ASAH2: variants seen among roughly 807,000 people sequenced by gnomAD.
ASAH2 encodes neutral ceramidase.
In ASAH2, 58 loss-of-function variants were observed where a neutral mutation model predicts 82.9. The observed-to-expected ratio is 0.70, with a 90% confidence interval of 0.57 to 0.87. The LOEUF (loss-of-function observed/expected upper bound fraction) is 0.87, where lower values mean the gene tolerates loss of function less well. Among genes scored for constraint, ASAH2 ranks in the 40% least tolerant of loss-of-function variants. The pLI is 0.00. For synonymous variants in ASAH2, 276 were observed against 289.7 expected (o/e 0.95, Z 0.48); for missense variants, 779 against 834.0 (o/e 0.93, Z 0.81).
intron 1 of ASAH2, 67 bp from the exon 2 acceptor site, chr10:50,248,713 G>C (rs924150269): frequency 8.2e-7 from 1 of 1,221,446 alleles, no homozygotes; most frequent in Non-Finnish European, 1.1e-6. Context: ...AGATATCTTA[G>C]CTCTTTCATA....
At chr10:50,214,276 T>C (rs1845539105) in intron 9 of ASAH2, among the ~76,000 whole-genome samples, 1 of 152,206 alleles carries the variant, frequency 6.6e-6, no homozygotes, top group Non-Finnish European at 1.5e-5. Context: ...CACTTTTTAC[T>C]ATTCTCTGTA....
At chr10:50,218,747 A>G in intron 7 of ASAH2, 117 bp from the exon 8 acceptor site, 2 of 1,133,108 alleles carry the variant, frequency 1.8e-6, no homozygotes, top group South Asian at 2.5e-5. Flanking sequence ...AATAATAGAC[A>G]TTCTACATCT....
rs970765614 is a variant in ASAH2 at position 50,235,385 on chromosome 10, C to T, written c.687+503G>A. 5.9e-5 allele frequency among the ~76,000 whole-genome samples: 9 copies of T among 152,076 alleles called. No homozygotes were observed. The South Asian group carries it at 1.9e-3, about 32-fold the overall frequency. On this transcript the variant is annotated intron_variant, in intron 5 of 20. Transcript: ENST00000682911. ...AAGAGAGGAGTATAAGCTACTGAAA[C>T]CAGAAACAGGAGAGGAGTTTAAGGG...
chr10:50,243,727 C>A (rs1328672683), intron 3 of ASAH2, among the ~76,000 whole-genome samples: 1 of 152,168 alleles, frequency 6.6e-6, no homozygotes, highest in Non-Finnish European at 1.5e-5. Flanking sequence ...TCTTCTCCTG[C>A]CTTCTAAGGT....
intron 7 of ASAH2, among the ~76,000 whole-genome samples, chr10:50,222,231 T>C (rs1845768379): frequency 6.6e-6 from 1 of 152,208 alleles, no homozygotes; most frequent in Admixed American, 6.5e-5. Context: ...ATGGTAACTA[T>C]GGAGAAAGCA....
chr10:50,207,524 A>G (rs1384270292), intron 12 of ASAH2, among the ~76,000 whole-genome samples: 2 of 151,646 alleles, frequency 1.3e-5, no homozygotes, highest in African/African-American at 4.8e-5. Context: ...AGAATTATAA[A>G]GGAAAACTAT....
intron 7 of ASAH2, among the ~76,000 whole-genome samples, chr10:50,228,215 A>G (rs1845938814): frequency 6.6e-6 from 1 of 152,216 alleles, no homozygotes; most frequent in African/African-American, 2.4e-5. Context: ...GGCTTTATAA[A>G]TCAGAATTCA....
At chr10:50,210,433 GA>G (rs1263024688) in intron 12 of ASAH2, among the ~76,000 whole-genome samples, 4 of 152,098 alleles carry the variant, frequency 2.6e-5, no homozygotes, top group Non-Finnish European at 5.9e-5. Context: ...TTGACAGGTG[GA>G]GGTTGCAGTA....
chr10:50,250,902 G>A (rs1392061153), intron 1 of ASAH2, among the ~76,000 whole-genome samples: 2 of 152,122 alleles, frequency 1.3e-5, no homozygotes, highest in Non-Finnish European at 2.9e-5. Flanking sequence ...TCATCATTCT[G>A]TTTAGCTGCC....
chr10:50,239,083 C>T (rs1846230118), intron 4 of ASAH2, among the ~76,000 whole-genome samples: 1 of 152,162 alleles, frequency 6.6e-6, no homozygotes, highest in Admixed American at 6.5e-5. Context: ...CATTTCGTCT[C>T]ACTGACACTC....
chr10:50,236,451 ACCTCCCATGGGGTC>A (rs1417819457), intron 4 of ASAH2, among the ~76,000 whole-genome samples: 1 of 151,980 alleles, frequency 6.6e-6, no homozygotes, highest in African/African-American at 2.4e-5. Context: ...TGATTCAATT[ACCTCCCATGGGGTC>A]CCTCCCACGA....
chr10:50,234,773 A>C (rs1169868823), intron 5 of ASAH2, among the ~76,000 whole-genome samples: 1 of 152,054 alleles, frequency 6.6e-6, no homozygotes, highest in African/African-American at 2.4e-5. Context: ...GTTATACGGA[A>C]GCACAGTACT....
chr10:50,236,753 A>G (rs1185492497), intron 4 of ASAH2, among the ~76,000 whole-genome samples: 1 of 152,186 alleles, frequency 6.6e-6, no homozygotes, highest in Non-Finnish European at 1.5e-5. Flanking sequence ...AGCTGAGAAC[A>G]TTGAATTATA....
chr10:50,218,382 A>G (rs965551210), intron 8 of ASAH2, 128 bp downstream of exon 8: 1,083,244 of 1,320,124 alleles, frequency 0.82, 458,025 homozygotes, highest in Non-Finnish European at 0.88. Context: ...CTGTCTATTC[A>G]AGCATACCAA....
At chr10:50,221,627 TTGTATGTGTGTGTG>T (rs1169517792) in intron 7 of ASAH2, among the ~76,000 whole-genome samples, 1 of 144,684 alleles carries the variant, frequency 6.9e-6, no homozygotes, top group African/African-American at 2.6e-5. Context: ...TGAATTCAGG[TTGTATGTGTGTGTG>T]TGTGTGTGTG....
rs1324028471 is a variant in ASAH2 at position 50,245,318 on chromosome 10, AG to A, written c.263del (p.Pro88LeufsTer2). 1 of 1,614,118 alleles carries A rather than the reference AG, an allele frequency of 6.2e-7. No individual in the cohort carries two copies. On this transcript the variant is annotated frameshift_variant, in exon 3 of 21. Coordinates refer to ENST00000682911, the MANE Select transcript of ASAH2 (RefSeq NM_019893.4). LOFTEE classifies it high-confidence loss of function. ...SSTATQTSPV[P>X]LTPESPLFQN... ...GAAATAGAGGAGACTCTGGGGTTAA[AG>A]GCACTGGAGAAGTTTGAGTGGCTGT...
At chr10:50,193,279 G>A (rs1844889809) in intron 18 of ASAH2, among the ~76,000 whole-genome samples, 1 of 151,736 alleles carries the variant, frequency 6.6e-6, no homozygotes, top group East Asian at 1.9e-4. Flanking sequence ...CCAGCTCAAT[G>A]TCATCAGAGT....
chr10:50,213,329 G>T (rs1351332063), intron 9 of ASAH2, among the ~76,000 whole-genome samples: 3 of 152,066 alleles, frequency 2.0e-5, no homozygotes, highest in African/African-American at 7.2e-5. Flanking sequence ...GATTATGCAG[G>T]TATCTAATAT....
intron 7 of ASAH2, among the ~76,000 whole-genome samples, chr10:50,224,620 CAT>C (rs1350696982): frequency 1.3e-5 from 2 of 152,160 alleles, no homozygotes; most frequent in Admixed American, 6.6e-5. Flanking sequence ...TGACTAATAA[CAT>C]GTGTGCAGAA....
Sources: gnomAD v4.1 joint callset for allele counts (sites outside exome capture counted in the v4.1 genomes callset) on GRCh38, gnomAD v4.1.1 for gene constraint, MANE v1.5 for transcripts, NCBI Gene and HGNC (gene_info 2026-07-23, HGNC 2026-07-21) for gene names.